The following CYP4F11 variants were observed in gnomAD, a reference collection of about 807,000 sequenced individuals.
CYP4F11 encodes the protein cytochrome P450 4F11.
Under a neutral mutation model 62.2 loss-of-function variants are expected in CYP4F11, and 79 were observed. The ratio of observed to expected loss-of-function variants is 1.27; its 90% confidence interval spans 1.06 to 1.53. The LOEUF is 1.53. Among genes scored for constraint, CYP4F11 ranks in the 40% most tolerant of loss-of-function variants. CYP4F11 has a pLI of 0.00. For synonymous variants in CYP4F11, 290 were observed against 263.7 expected, an observed-to-expected ratio of 1.10 and a Z score of -0.97; for missense variants, 777 against 680.5, an observed-to-expected ratio of 1.14 and a Z score of -1.58.
Position 15,927,294 on chromosome 19 carries a change from C to G in CYP4F11, c.443G>C (p.Arg148Pro), listed in dbSNP as rs142657300. The G allele has an allele frequency of 3.1e-6, 5 of 1,614,178 alleles. No homozygotes were observed. The Admixed American group carries it at 6.7e-5, about 22-fold the overall frequency. ...ATGGAAGGCAGGCGTCAACATCCGACGGTGGCGGCTCCACTTGTCACCACC... is the reference window on the plus strand; with the variant it reads ...ATGGAAGGCAGGCGTCAACATCCGAGGGTGGCGGCTCCACTTGTCACCACC... ...LSGGDKWSRH[R>P]RMLTPAFHFN... The change falls in exon 4 of 12, where the codon CGT becomes CCT. Residue 148 changes from arginine to proline, a missense_variant. Coordinates refer to ENST00000402119, the MANE Select transcript of CYP4F11 (RefSeq NM_021187.4).
intron 8 of CYP4F11, among the ~76,000 whole-genome samples, chr19:15,921,657 C>T (rs943457488): frequency 6.6e-6 from 1 of 152,216 alleles, no homozygotes; most frequent in Non-Finnish European, 1.5e-5. Flanking sequence ...CCTCAGGTCT[C>T]TCTTATAAAT....
In CYP4F11 at chr19:15,924,760, C is replaced by G; in HGVS notation, c.647+1G>C. Reference sequence around the variant, plus strand: ...TTCTCAGGTCCTAGGAAAGGACTCACTCCTGACAATTGCTTTCAAAGCTGA... The same window carrying G: ...TTCTCAGGTCCTAGGAAAGGACTCAGTCCTGACAATTGCTTTCAAAGCTGA... On this transcript the variant is annotated splice_donor_variant, in intron 5 of 11. Transcript: ENST00000402119. LOFTEE classifies it high-confidence loss of function. 6.2e-7 allele frequency: 1 copy of G among 1,609,832 alleles called. No individual in the cohort carries two copies. Among genetic ancestry groups the G allele is most frequent in the Non-Finnish European group, 8.5e-7 (1 of 1,177,292 alleles).
chr19:15,923,238 CCTCTCTCTCTCTCTCT>C (rs3056063), intron 6 of CYP4F11, among the ~76,000 whole-genome samples: 97 of 110,512 alleles, frequency 8.8e-4, no homozygotes, highest in South Asian at 3.7e-4. Flanking sequence ...AAGCAAACAT[CCTCTCTCTCTCTCTCT>C]CTCTCTCTCT....
chr19:15,917,424 A>G (rs1385803503), intron 8 of CYP4F11, among the ~76,000 whole-genome samples: 1 of 152,162 alleles, frequency 6.6e-6, no homozygotes, highest in Non-Finnish European at 1.5e-5. Context: ...AAGTCATTCT[A>G]CCAGACATTA....
In CYP4F11 at chr19:15,934,227, C is replaced by T. The variant is rs1439699385; in HGVS notation, c.182G>A (p.Trp61Ter). The T allele has an allele frequency of 6.2e-7, 1 of 1,613,616 alleles. No homozygotes were observed. Residue 61 changes from tryptophan to a stop codon, truncating the protein, a stop_gained, in exon 1 of 12, where the codon TGG becomes TAG. Transcript: ENST00000402119. LOFTEE classifies it high-confidence loss of function. ...FPQPPKQNWF[W>*]GHQGLVTPTE... The stretch of plus-strand genomic sequence containing the variant: ...CAAACTCACCAGGCCCTGGTGTCCC[C>T]AAAACCAGTTCTGTTTCGGGGGTTG...
At position 15,922,037 on chromosome 19, in the gene CYP4F11, C is replaced by T. The variant is rs1253003146; in HGVS notation, c.1115G>A (p.Trp372Ter). ...GGAACAGGCCAGCACCTGCACTCAC[C>T]ATTCAATCTCTATAGGTTCACGGTC... ...LKDREPIEIE[W>*]DDLAQLPFLT... The change falls in exon 8 of 12, where the codon TGG becomes TAG. Residue 372 changes from tryptophan to a stop codon, truncating the protein, a stop_gained and splice_region_variant. Transcript: ENST00000402119. LOFTEE classifies it high-confidence loss of function. The T allele has an allele frequency of 6.2e-7, 1 of 1,601,582 alleles. No homozygotes were observed. Among genetic ancestry groups the T allele is most frequent in the Non-Finnish European group, 8.5e-7 (1 of 1,174,300 alleles).
At chr19:15,931,247 G>A (rs1484259941) in intron 1 of CYP4F11, among the ~76,000 whole-genome samples, 1 of 151,830 alleles carries the variant, frequency 6.6e-6, no homozygotes, top group East Asian at 1.9e-4. Flanking sequence ...ATGGAAAGGG[G>A]CTCAGAGCTA....
At chr19:15,915,562 G>A (rs184223596) in intron 8 of CYP4F11, among the ~76,000 whole-genome samples, 45 of 152,190 alleles carry the variant, frequency 3.0e-4, no homozygotes, top group Non-Finnish European at 1.9e-4. Flanking sequence ...CTCACAGGTT[G>A]CCTAAGTTAT....
At chr19:15,926,920 T>C (rs1189401097) in intron 4 of CYP4F11, among the ~76,000 whole-genome samples, 5 of 152,198 alleles carry the variant, frequency 3.3e-5, no homozygotes, top group African/African-American at 9.7e-5. Context: ...TCAGGCGGTT[T>C]GTACTCAGCA....
chr19:15,934,411 T>G lies in CYP4F11; in HGVS notation c.-3A>C. ...CAGGACAGGCTCAGCTGCGGCATCC[T>G]GCAGGGCAGACGGGATGGAGGGTGG... On this transcript the variant is annotated 5_prime_UTR_variant, in exon 1 of 12. Transcript: ENST00000402119. 1 of 1,612,636 alleles carries G rather than the reference T, an allele frequency of 6.2e-7. No individual in the cohort carries two copies. Among genetic ancestry groups the G allele is most frequent in the Non-Finnish European group, 8.5e-7 (1 of 1,179,426 alleles).
chr19:15,927,580 G>A lies in CYP4F11; in HGVS notation c.344-97C>T, dbSNP rs2305803. 2.0e-3 allele frequency: 3,074 copies of A among 1,515,462 alleles called. 41 individuals carry two copies. In the African/African-American group the frequency reaches 0.036, roughly 18 times the overall value. The allele number at this position is 1,515,462 out of a possible 1,614,324, so 93.9% of individuals were successfully genotyped here. On this transcript the variant is annotated intron_variant, in intron 2 of 11. Coordinates refer to ENST00000402119, the MANE Select transcript of CYP4F11 (RefSeq NM_021187.4). ...CCCAGCCAGGGGTGTGCACTTCCAC[G>A]CATCCCACCCAGCATAGCAGGAAGA... is the stretch of plus-strand genomic sequence containing the variant.
intron 2 of CYP4F11, chr19:15,927,915 A>T (rs920815246): frequency 1.7e-5 from 3 of 173,086 alleles, no homozygotes; most frequent in Admixed American, 1.7e-4. Context: ...CAAACCCTAA[A>T]TGACACAACA....
Position 15,934,483 on chromosome 19 carries a change from A to C in CYP4F11, c.-75T>G, listed in dbSNP as rs895785086. ...GCCCAGGAAGCTCCAAGGACAGTGG[A>C]AAGGGGCAAGGATGGGCAGTGCTGG... On this transcript the variant is annotated 5_prime_UTR_variant, in exon 1 of 12. Coordinates refer to ENST00000402119, the MANE Select transcript of CYP4F11 (RefSeq NM_021187.4). The C allele has an allele frequency of 1.3e-6, 2 of 1,550,226 alleles. No individual in the cohort carries two copies. The highest frequency in any genetic ancestry group is 2.8e-5 in the African/African-American group (2 of 72,120).
intron 8 of CYP4F11, among the ~76,000 whole-genome samples, chr19:15,919,517 T>G (rs142606184): frequency 7.5e-6 from 1 of 133,770 alleles, no homozygotes; most frequent in Admixed American, 7.5e-5. Flanking sequence ...GATAGATAGA[T>G]AGATAGACAG....
intron 2 of CYP4F11, 33 bp downstream of exon 2, chr19:15,929,424 C>A: frequency 6.2e-7 from 1 of 1,613,652 alleles, no homozygotes; most frequent in Non-Finnish European, 8.5e-7. Flanking sequence ...TGATGTTTCC[C>A]AGCCCCCACT....
At chr19:15,926,341 G>A (rs1318219328) in intron 4 of CYP4F11, among the ~76,000 whole-genome samples, 2 of 152,144 alleles carry the variant, frequency 1.3e-5, no homozygotes, top group Admixed American at 6.5e-5. Context: ...ATAAATTGCT[G>A]TTTGTCTCTG....
At position 15,934,195 on chromosome 19, in the gene CYP4F11, C is replaced by G; in HGVS notation, c.198+16G>C. The G allele has an allele frequency of 6.2e-7, 1 of 1,613,048 alleles. No individual in the cohort carries two copies. The highest frequency in any genetic ancestry group is 8.5e-7 in the Non-Finnish European group (1 of 1,179,406). On this transcript the variant is annotated intron_variant, in intron 1 of 11. Coordinates refer to ENST00000402119, the MANE Select transcript of CYP4F11 (RefSeq NM_021187.4). ...TGCATCCTGAGACCCCAGACCCGTC[C>G]TGCTGACAAACTCACCAGGCCCTGG...
At chr19:15,923,308 G>A (rs1463399673) in intron 6 of CYP4F11, among the ~76,000 whole-genome samples, 1 of 146,136 alleles carries the variant, frequency 6.8e-6, no homozygotes, top group Non-Finnish European at 1.5e-5. Context: ...GCCCTGGAAG[G>A]AAGAAGGGGC....
intron 8 of CYP4F11, among the ~76,000 whole-genome samples, chr19:15,921,807 C>T (rs939066045): frequency 1.3e-5 from 2 of 152,152 alleles, no homozygotes; most frequent in Non-Finnish European, 2.9e-5. Context: ...TGCTAAGTGG[C>T]ATCATCTGCC....
Sources: gnomAD v4.1 joint callset for allele counts (sites outside exome capture counted in the v4.1 genomes callset) on GRCh38, gnomAD v4.1.1 for gene constraint, MANE v1.5 for transcripts, NCBI Gene and HGNC (gene_info 2026-07-23, HGNC 2026-07-21) for gene names.